Variants in ACTMAP observed in about 807,000 individuals in gnomAD.
ACTMAP encodes the protein UPF0692 protein C19orf54.
the ACTMAP span, among the ~76,000 whole-genome samples, chr19:40,747,266 G>A: frequency 6.6e-6 from 1 of 151,968 alleles, no homozygotes; most frequent in African/African-American, 2.4e-5. Context: ...GCCGGGTGCA[G>A]CAGCTCACGC....
At chr19:40,743,043 A>G in the ACTMAP span, among the ~76,000 whole-genome samples, 4 of 152,116 alleles carry the variant, frequency 2.6e-5, no homozygotes. Flanking sequence ...TCACCCGGTC[A>G]TCCTCAGCTC....
At chr19:40,743,539 T>A in the ACTMAP span, among the ~76,000 whole-genome samples, 2 of 152,042 alleles carry the variant, frequency 1.3e-5, no homozygotes, top group African/African-American at 4.8e-5. Context: ...GGCCAAGCCT[T>A]GTTCTAAGAG....
chr19:40,749,640 G>A, the ACTMAP span: 9 of 1,549,646 alleles, frequency 5.8e-6, 1 homozygote, highest in East Asian at 7.3e-5. Flanking sequence ...CAGTGGGAGC[G>A]GTGGGGGAAC....
the ACTMAP span, chr19:40,742,241 G>A: frequency 5.5e-4 from 394 of 719,988 alleles, 3 homozygotes; most frequent in African/African-American, 6.3e-3. Context: ...AGGCCGCAGG[G>A]TCCGGGCTGT....
At chr19:40,749,829 A>T in the ACTMAP span, 2 of 1,386,568 alleles carry the variant, frequency 1.4e-6, no homozygotes, top group Non-Finnish European at 1.9e-6. Context: ...AGGTGTTGAG[A>T]GGTTCAGAAA....
chr19:40,742,977 C>T, the ACTMAP span, among the ~76,000 whole-genome samples: 1 of 152,172 alleles, frequency 6.6e-6, no homozygotes, highest in East Asian at 1.9e-4. Context: ...AGTCTTGCCT[C>T]ATCTGGCCTG....
the ACTMAP span, among the ~76,000 whole-genome samples, chr19:40,749,256 G>T: frequency 2.0e-5 from 3 of 152,164 alleles, no homozygotes; most frequent in African/African-American, 4.8e-5. Context: ...CTCCCAAAGT[G>T]CTGGGATTAC....
the ACTMAP span, chr19:40,743,951 C>A: frequency 6.2e-7 from 1 of 1,614,060 alleles, no homozygotes; most frequent in Non-Finnish European, 8.5e-7. Flanking sequence ...TCTGACACGG[C>A]TCATGGTTGA....
At chr19:40,741,957 A>G in the ACTMAP span, 2 of 442,318 alleles carry the variant, frequency 4.5e-6, no homozygotes, top group South Asian at 3.2e-5. Flanking sequence ...TGGAAAAGTT[A>G]AGGAGTGATC....
At chr19:40,740,914 G>C in the ACTMAP span, 1 of 398,616 alleles carries the variant, frequency 2.5e-6, no homozygotes, top group Non-Finnish European at 4.4e-6. Flanking sequence ...CGTGGGCTGG[G>C]TGGGGTAACA....
At chr19:40,748,967 T>A in the ACTMAP span, among the ~76,000 whole-genome samples, 1 of 149,494 alleles carries the variant, frequency 6.7e-6, no homozygotes, top group Non-Finnish European at 1.5e-5. Context: ...TCTCTCTCAC[T>A]AGACTGGGCA....
At chr19:40,748,689 G>A in the ACTMAP span, among the ~76,000 whole-genome samples, 1 of 152,190 alleles carries the variant, frequency 6.6e-6, no homozygotes, top group Admixed American at 6.5e-5. Flanking sequence ...CGCTTTCACA[G>A]CCCCATGTTT....
the ACTMAP span, chr19:40,749,407 C>T: frequency 2.6e-5 from 37 of 1,402,100 alleles, no homozygotes; most frequent in Non-Finnish European, 3.4e-5. Context: ...CACGGGAACC[C>T]CCCCCCCACC....
At chr19:40,743,291 G>A in the ACTMAP span, among the ~76,000 whole-genome samples, 1 of 150,890 alleles carries the variant, frequency 6.6e-6, no homozygotes, top group Non-Finnish European at 1.5e-5. Flanking sequence ...GGAGTGCAGT[G>A]GCACGATCTC....
At chr19:40,743,517 G>A in the ACTMAP span, among the ~76,000 whole-genome samples, 1 of 152,164 alleles carries the variant, frequency 6.6e-6, no homozygotes, top group Non-Finnish European at 1.5e-5. Context: ...ACAGGCGTGA[G>A]CCACCGCGCC....
the ACTMAP span, among the ~76,000 whole-genome samples, chr19:40,746,651 A>G: frequency 0.037 from 5,628 of 152,286 alleles, 322 homozygotes; most frequent in African/African-American, 0.13. Flanking sequence ...CTGGGATCAC[A>G]GGCGTGAGCC....
chr19:40,743,538 T>C, the ACTMAP span, among the ~76,000 whole-genome samples: 2 of 152,050 alleles, frequency 1.3e-5, no homozygotes, highest in African/African-American at 4.8e-5. Flanking sequence ...TGGCCAAGCC[T>C]TGTTCTAAGA....
At chr19:40,742,472 G>A in the ACTMAP span, 2 of 1,474,702 alleles carry the variant, frequency 1.4e-6, no homozygotes, top group Non-Finnish European at 9.0e-7. Context: ...GCAGGGCCTG[G>A]CCACAGAGGC....
the ACTMAP span, among the ~76,000 whole-genome samples, chr19:40,743,467 A>G: frequency 6.6e-6 from 1 of 152,086 alleles, no homozygotes; most frequent in East Asian, 1.9e-4. Context: ...TCCTGACCTC[A>G]AGCGATCCAC....
Sources: gnomAD v4.1 joint callset for allele counts (sites outside exome capture counted in the v4.1 genomes callset) on GRCh38, gnomAD v4.1.1 for gene constraint, MANE v1.5 for transcripts, NCBI Gene and HGNC (gene_info 2026-07-23, HGNC 2026-07-21) for gene names.